RAC1: variants seen among roughly 807,000 people sequenced by gnomAD.
RAC1 encodes the protein Rac family small GTPase 1.
A neutral mutation model predicts 25.2 loss-of-function variants in RAC1; 2 were observed. That is an observed-to-expected ratio of 0.08 (90% CI 0.03 to 0.25). The LOEUF is 0.25. Among genes scored for constraint, RAC1 ranks in the 10% least tolerant of loss-of-function variants. RAC1 has a pLI of 1.00. For missense variants in RAC1, 50 were observed against 235.7 expected (o/e 0.21, Z 5.16); for synonymous variants, 88 against 94.0 (o/e 0.94, Z 0.37).
chr7:6,379,796 C>T (rs141864827), intron 1 of RAC1, among the ~76,000 whole-genome samples: 2,223 of 151,712 alleles, frequency 0.015, 30 homozygotes, highest in South Asian at 0.028. Context: ...TCACCCAGGC[C>T]GGGGTGCAGT....
At chr7:6,386,111 C>T (rs1782915504) in intron 1 of RAC1, among the ~76,000 whole-genome samples, 2 of 152,170 alleles carry the variant, frequency 1.3e-5, no homozygotes, top group Admixed American at 6.5e-5. Flanking sequence ...TAGTCTCTAC[C>T]CATTGCCAGT....
chr7:6,399,123 C>A (rs1783329760), intron 3 of RAC1, among the ~76,000 whole-genome samples: 1 of 152,158 alleles, frequency 6.6e-6, no homozygotes, highest in African/African-American at 2.4e-5. Context: ...CGTGGCTGTG[C>A]AGTGCTGCTG....
At chr7:6,396,850 G>A (rs1347074879) in intron 3 of RAC1, among the ~76,000 whole-genome samples, 2 of 152,076 alleles carry the variant, frequency 1.3e-5, no homozygotes, top group Non-Finnish European at 2.9e-5. Flanking sequence ...CTAACACGTT[G>A]AAACCTCGTC....
At chr7:6,391,863 TG>T in intron 2 of RAC1, 60 bp from the exon 3 acceptor site, 1 of 1,610,596 alleles carries the variant, frequency 6.2e-7, no homozygotes, top group Non-Finnish European at 8.5e-7. Flanking sequence ...TTCTCTAGGA[TG>T]GCTGGGACAG....
intron 3 of RAC1, among the ~76,000 whole-genome samples, chr7:6,395,273 G>C (rs836472): frequency 6.6e-6 from 1 of 151,756 alleles, no homozygotes; most frequent in Non-Finnish European, 1.5e-5. Flanking sequence ...GCCAGTGCTA[G>C]AGGTTTTAAA....
At chr7:6,389,378 T>A (rs1783019692) in intron 2 of RAC1, among the ~76,000 whole-genome samples, 1 of 150,336 alleles carries the variant, frequency 6.7e-6, no homozygotes, top group African/African-American at 2.5e-5. Context: ...GGTTAAAATC[T>A]TTTGAATTTT....
chr7:6,392,314 T>C (rs1783111125), intron 3 of RAC1, among the ~76,000 whole-genome samples: 1 of 152,202 alleles, frequency 6.6e-6, no homozygotes, highest in South Asian at 2.1e-4. Context: ...ACTTTTTGTT[T>C]TTGCAAACCA....
At chr7:6,384,364 C>T (rs924523868) in intron 1 of RAC1, among the ~76,000 whole-genome samples, 16 of 152,206 alleles carry the variant, frequency 1.1e-4, no homozygotes, top group African/African-American at 3.9e-4. Context: ...CAGTTGGAGG[C>T]TTCTTCTAAA....
At position 6,401,639 on chromosome 7, in the gene RAC1, C is replaced by T. The variant is rs530533052; in HGVS notation, c.289-229C>T. On this transcript the variant is annotated intron_variant, in intron 4 of 5. Transcript: ENST00000348035. ...GGTTGTAGAGCCCGTTCTGTCCGGT[C>T]GTGGTTCTGTCCAGCCATGATCCGG... is the stretch of plus-strand genomic sequence containing the variant. 1.2e-4 allele frequency: 42 copies of T among 360,072 alleles called. 1 individual carries two copies. The Middle Eastern group carries it at 2.1e-3, about 18-fold the overall frequency. The allele number at this position is 360,072 out of a possible 1,614,324, so 22.3% of individuals were successfully genotyped here.
At position 6,393,430 on chromosome 7, in the gene RAC1, C is replaced by T. The variant is rs190910837; in HGVS notation, c.225+1389C>T. Among the ~76,000 whole-genome samples, 3 of 152,242 alleles carry T rather than the reference C, an allele frequency of 2.0e-5. No individual in the cohort carries two copies. In the East Asian group the frequency reaches 5.8e-4, roughly 29 times the overall value. On this transcript the variant is annotated intron_variant, in intron 3 of 5. Coordinates refer to ENST00000348035, the MANE Select transcript of RAC1 (RefSeq NM_006908.5). ...GTGTCATTCTGAGAAACAAGAGCCA[C>T]CCTGCTGTGACTCAGGGGGTACCGG...
chr7:6,376,891 C>T, intron 1 of RAC1, among the ~76,000 whole-genome samples: 1 of 151,096 alleles, frequency 6.6e-6, no homozygotes, highest in Non-Finnish European at 1.5e-5. Flanking sequence ...GATTGTGGAC[C>T]TCTGCTGTTT....
At chr7:6,379,425 C>T (rs1189952675) in intron 1 of RAC1, among the ~76,000 whole-genome samples, 1 of 151,958 alleles carries the variant, frequency 6.6e-6, no homozygotes, top group African/African-American at 2.4e-5. Context: ...CAGTCACGCT[C>T]CACCACACTG....
At position 6,403,681 on chromosome 7, in the gene RAC1, C is replaced by T. The variant is rs1239485347; in HGVS notation, c.*1235C>T. On this transcript the variant is annotated 3_prime_UTR_variant, in exon 6 of 6. Transcript: ENST00000348035. ...CAGATTACCGACACTGTCACTTGAC[C>T]AATACTGACCCTCTTTACCTCGCCC... 2 of 207,168 alleles carry T rather than the reference C, an allele frequency of 9.7e-6. No homozygotes were observed. The highest frequency in any genetic ancestry group is 2.0e-5 in the Non-Finnish European group (2 of 101,626). 12.8% of individuals were successfully genotyped at this position (207,168 alleles called of 1,614,324 possible). A position where few individuals can be genotyped will look rare whatever the true frequency, so the allele number is the denominator to read the frequency against.
chr7:6,396,732 G>A lies in RAC1; in HGVS notation c.226-3394G>A, dbSNP rs1256294687. On this transcript the variant is annotated intron_variant, in intron 3 of 5. Coordinates refer to ENST00000348035, the MANE Select transcript of RAC1 (RefSeq NM_006908.5). ...AACTAATGTGCTCTTTGAATGTTAA[G>A]TCAGGAAAGCTTGAGTGGCCTGGCA... Among the ~76,000 whole-genome samples the A allele has an allele frequency of 2.0e-5, 3 of 152,170 alleles. No homozygotes were observed. The East Asian group carries it at 5.8e-4, about 29-fold the overall frequency.
chr7:6,394,804 T>C (rs1211139626), intron 3 of RAC1, among the ~76,000 whole-genome samples: 3 of 151,392 alleles, frequency 2.0e-5, no homozygotes, highest in Non-Finnish European at 4.4e-5. Context: ...CCCTAGTCTC[T>C]CAAGTAGCTG....
chr7:6,374,792 G>T (rs1782531249), intron 1 of RAC1, 22 bp downstream of exon 1: 1 of 1,119,384 alleles, frequency 8.9e-7, no homozygotes, highest in Non-Finnish European at 1.1e-6. Flanking sequence ...GCCGGGGCCG[G>T]GCTGGAGGCC....
chr7:6,400,326 G>T, intron 4 of RAC1, 138 bp downstream of exon 4: 1 of 815,110 alleles, frequency 1.2e-6, no homozygotes. Context: ...TACATGATTG[G>T]GTTTTTTTTT....
intron 5 of RAC1, 67 bp downstream of exon 5, chr7:6,402,094 A>G (rs1250941464): frequency 1.3e-6 from 2 of 1,544,168 alleles, no homozygotes; most frequent in East Asian, 4.5e-5. Context: ...ACTGGAGTCC[A>G]GTCTGGGAAA....
intron 2 of RAC1, 104 bp downstream of exon 2, chr7:6,387,387 A>T (rs1042230445): frequency 1.2e-6 from 1 of 811,382 alleles, no homozygotes; most frequent in East Asian, 2.8e-5. Flanking sequence ...ATATGAACAG[A>T]TACTAATTTT....
Sources: gnomAD v4.1 joint callset for allele counts (sites outside exome capture counted in the v4.1 genomes callset) on GRCh38, gnomAD v4.1.1 for gene constraint, MANE v1.5 for transcripts, NCBI Gene and HGNC (gene_info 2026-07-23, HGNC 2026-07-21) for gene names.